Variants in FAAH2 observed in about 807,000 individuals in gnomAD.
FAAH2 encodes fatty-acid amide hydrolase 2.
In FAAH2, 60 loss-of-function variants were observed where a neutral mutation model predicts 36.9. That is an observed-to-expected ratio of 1.63 (90% confidence interval 1.32 to 2.02). The LOEUF (loss-of-function observed/expected upper bound fraction) is 2.02, where lower values mean the gene tolerates loss of function less well. FAAH2 is among the 30% of genes most tolerant of loss of function. The pLI is 0.00. For missense variants in FAAH2, 689 were observed against 397.5 expected, an observed-to-expected ratio of 1.73 and a Z score of -6.23; for synonymous variants, 214 against 143.8, an observed-to-expected ratio of 1.49 and a Z score of -3.49.
intron 7 of FAAH2, among the ~76,000 whole-genome samples, chrX:57,382,424 G>T (rs1033967823): frequency 1.8e-5 from 2 of 111,044 alleles, no homozygotes; most frequent in African/African-American, 6.6e-5. Context: ...TTGAGAGACC[G>T]CTGGCAAGAC....
chrX:57,412,687 T>C (rs2055731759), intron 7 of FAAH2, among the ~76,000 whole-genome samples: 1 of 112,034 alleles, frequency 8.9e-6, no homozygotes, highest in Non-Finnish European at 1.9e-5. Flanking sequence ...TAAACATATG[T>C]GTGTGTGTGT....
chrX:57,161,432 G>A, the FAAH2 span, among the ~76,000 whole-genome samples: 100 of 110,915 alleles, frequency 9.0e-4, no homozygotes, highest in Non-Finnish European at 1.4e-3. Flanking sequence ...TTTCTGTCTT[G>A]TTGATCTGTC....
intron 2 of FAAH2, among the ~76,000 whole-genome samples, chrX:57,301,304 C>A (rs1183393204): frequency 1.8e-5 from 2 of 110,518 alleles, no homozygotes; most frequent in Non-Finnish European, 3.8e-5. Context: ...GACTTCATTT[C>A]CTTTGTAGGG....
chrX:57,162,705 G>A, the FAAH2 span, among the ~76,000 whole-genome samples: 1 of 111,945 alleles, frequency 8.9e-6, no homozygotes, highest in Non-Finnish European at 1.9e-5. Context: ...TTGGTTTTCA[G>A]CTCCATCAGC....
chrX:57,268,543 A>G, the FAAH2 span, among the ~76,000 whole-genome samples: 1 of 111,257 alleles, frequency 9.0e-6, no homozygotes, highest in Non-Finnish European at 1.9e-5. Context: ...CCCAAGACAC[A>G]TACTCATCAC....
At chrX:57,474,930 G>A (rs1237543968) in intron 10 of FAAH2, among the ~76,000 whole-genome samples, 2 of 111,528 alleles carry the variant, frequency 1.8e-5, no homozygotes, top group Admixed American at 9.6e-5. Flanking sequence ...GTTTTGATTT[G>A]TGTTTTTCTA....
chrX:57,253,793 C>T, the FAAH2 span, among the ~76,000 whole-genome samples: 2 of 111,392 alleles, frequency 1.8e-5, no homozygotes, highest in African/African-American at 3.3e-5. Context: ...AGGAAAGGAG[C>T]AACCCATACC....
chrX:57,245,701 AG>A, the FAAH2 span, among the ~76,000 whole-genome samples: 1 of 112,733 alleles, frequency 8.9e-6, no homozygotes, highest in African/African-American at 3.2e-5. Flanking sequence ...ACAATGTGGC[AG>A]AATCTGTGGG....
chrX:57,414,119 A>G (rs1367386300), intron 7 of FAAH2, among the ~76,000 whole-genome samples: 2 of 111,899 alleles, frequency 1.8e-5, no homozygotes, highest in Non-Finnish European at 3.8e-5. Flanking sequence ...GGTTGAGACT[A>G]TGGGCTCTTC....
intron 5 of FAAH2, among the ~76,000 whole-genome samples, chrX:57,359,378 T>G (rs188818706): frequency 8.9e-6 from 1 of 112,015 alleles, no homozygotes; most frequent in Admixed American, 9.5e-5. Flanking sequence ...GATTTCTTCT[T>G]TCACTTGTTG....
intron 10 of FAAH2, among the ~76,000 whole-genome samples, chrX:57,460,320 A>G (rs2056935644): frequency 9.0e-6 from 1 of 111,024 alleles, no homozygotes; most frequent in African/African-American, 3.3e-5. Flanking sequence ...CCACTAAGGT[A>G]CTCCTCAAGA....
chrX:57,380,581 C>T (rs990961228), intron 6 of FAAH2, among the ~76,000 whole-genome samples: 2 of 111,489 alleles, frequency 1.8e-5, no homozygotes, highest in Non-Finnish European at 1.9e-5. Flanking sequence ...AAATTACCTA[C>T]TAATGATTTC....
intron 10 of FAAH2, among the ~76,000 whole-genome samples, chrX:57,478,206 T>C (rs1448696413): frequency 1.8e-5 from 2 of 112,117 alleles, no homozygotes; most frequent in African/African-American, 6.5e-5. Flanking sequence ...TGGTATCTCA[T>C]TGTGGTTTTG....
At chrX:57,210,727 A>G in the FAAH2 span, among the ~76,000 whole-genome samples, 9 of 112,464 alleles carry the variant, frequency 8.0e-5, no homozygotes, top group African/African-American at 2.9e-4. Flanking sequence ...TCTATTGAAG[A>G]TGGTACTGGA....
At chrX:57,398,977 G>T (rs906979373) in intron 7 of FAAH2, among the ~76,000 whole-genome samples, 2 of 111,173 alleles carry the variant, frequency 1.8e-5, no homozygotes, top group Admixed American at 1.9e-4. Context: ...GGCATAGTAG[G>T]CATCATGCCA....
chrX:57,227,644 C>T, the FAAH2 span, among the ~76,000 whole-genome samples: 1 of 111,549 alleles, frequency 9.0e-6, no homozygotes, highest in Admixed American at 9.4e-5. Flanking sequence ...GGAGGTGGCA[C>T]TTTCCAGAAA....
chrX:57,477,048 G>A (rs1038996478), intron 10 of FAAH2, among the ~76,000 whole-genome samples: 9 of 109,637 alleles, frequency 8.2e-5, no homozygotes, highest in Admixed American at 2.0e-4. Flanking sequence ...TGGTGATATC[G>A]CCTTTATCAT....
At position 57,351,251 on chromosome X, in the gene FAAH2, A is replaced by G. The variant is rs761150506; in HGVS notation, c.742+9861A>G. ...ATGTTTGTGAATGACCATTGGGTCA[A>G]TAAAGAATTTAAGATGGAAAGCAAA... On this transcript the variant is annotated intron_variant, in intron 5 of 10. Coordinates refer to ENST00000374900, the MANE Select transcript of FAAH2 (RefSeq NM_174912.4). 8.1e-5 allele frequency among the ~76,000 whole-genome samples: 9 copies of G among 111,772 alleles called. No individual in the cohort carries two copies. The East Asian group carries it at 1.1e-3, about 14-fold the overall frequency.
chrX:57,359,555 A>T (rs1462915957), intron 5 of FAAH2, among the ~76,000 whole-genome samples: 1 of 111,861 alleles, frequency 8.9e-6, no homozygotes, highest in East Asian at 2.8e-4. Context: ...CTGACAACAA[A>T]TTAACTTCAA....
Sources: gnomAD v4.1 joint callset for allele counts (sites outside exome capture counted in the v4.1 genomes callset) on GRCh38, gnomAD v4.1.1 for gene constraint, MANE v1.5 for transcripts, NCBI Gene and HGNC (gene_info 2026-07-23, HGNC 2026-07-21) for gene names.